The following KHDRBS2 variants were observed in gnomAD, a reference collection of about 807,000 sequenced individuals.
KHDRBS2 encodes KH RNA binding domain containing, signal transduction associated 2.
KHDRBS2 carries 26 observed loss-of-function variants against 44.3 expected under a neutral mutation model. The ratio of observed to expected loss-of-function variants is 0.59; its 90% confidence interval spans 0.43 to 0.81. The LOEUF (loss-of-function observed/expected upper bound fraction) is 0.81. KHDRBS2 is among the 40% of genes least tolerant of loss of function. The pLI, the probability that KHDRBS2 is intolerant of heterozygous loss-of-function variation, is 0.00. For missense variants in KHDRBS2, 476 were observed against 433.1 expected, an observed-to-expected ratio of 1.10 and a Z score of -0.88; for synonymous variants, 194 against 151.1, an observed-to-expected ratio of 1.28 and a Z score of -2.08.
rs772156700 is a variant in KHDRBS2 at position 61,901,254 on chromosome 6, C to A, written c.601G>T (p.Ala201Ser). ...TAAGAATGAATGTACCTTGAAGGAG[C>A]TGTGGGAGCTATTCTGATCCCTCTG... is the stretch of plus-strand genomic sequence containing the variant. The part of the protein sequence containing the change: ...RGRGIRIAPT[A>S]PSRGRGGAIP... The change falls in exon 5 of 9, where the codon GCT becomes TCT. Residue 201 changes from alanine to serine, a missense_variant. Physicochemically the swap from Ala to Ser is moderately conservative, Grantham distance 99. Transcript: ENST00000281156. 2 of 1,612,558 alleles carry A rather than the reference C, an allele frequency of 1.2e-6. No homozygotes were observed. Among genetic ancestry groups the A allele is most frequent in the South Asian group, 2.2e-5 (2 of 90,768 alleles).
chr6:61,953,460 T>C (rs1274553756), intron 4 of KHDRBS2, among the ~76,000 whole-genome samples: 1 of 151,974 alleles, frequency 6.6e-6, no homozygotes, highest in Non-Finnish European at 1.5e-5. Flanking sequence ...CAGAACCATC[T>C]AAACTGAAAA....
intron 3 of KHDRBS2, among the ~76,000 whole-genome samples, chr6:62,025,309 T>C: frequency 6.6e-6 from 1 of 151,782 alleles, no homozygotes; most frequent in East Asian, 1.9e-4. Flanking sequence ...CACTATTTTT[T>C]CAAAATTTAT....
the KHDRBS2 span, among the ~76,000 whole-genome samples, chr6:61,598,166 C>A: frequency 6.6e-6 from 1 of 150,872 alleles, no homozygotes; most frequent in Non-Finnish European, 1.5e-5. Flanking sequence ...TTCCCAGTGG[C>A]AGTGGTAGCC....
chr6:61,626,878 T>G, the KHDRBS2 span, among the ~76,000 whole-genome samples: 1 of 152,288 alleles, frequency 6.6e-6, no homozygotes, highest in South Asian at 2.1e-4. Context: ...TTCAGTTTTT[T>G]TTTTGGAGTT....
chr6:62,009,263 C>T (rs1393954104), intron 3 of KHDRBS2, among the ~76,000 whole-genome samples: 2 of 152,080 alleles, frequency 1.3e-5, no homozygotes, highest in Non-Finnish European at 2.9e-5. Context: ...TTTGCCCCTG[C>T]CCTAGAGATT....
chr6:62,260,391 C>G (rs1341974478), intron 1 of KHDRBS2, among the ~76,000 whole-genome samples: 1 of 151,722 alleles, frequency 6.6e-6, no homozygotes, highest in East Asian at 2.0e-4. Context: ...GTTCTATTAC[C>G]AAAATCTGAT....
intron 5 of KHDRBS2, among the ~76,000 whole-genome samples, chr6:61,899,181 A>G (rs1205857082): frequency 6.6e-6 from 1 of 151,914 alleles, no homozygotes; most frequent in East Asian, 1.9e-4. Flanking sequence ...TCTAGTAATA[A>G]GAGTATTTCT....
At chr6:62,085,789 A>G (rs1369853685) in intron 2 of KHDRBS2, among the ~76,000 whole-genome samples, 1 of 152,172 alleles carries the variant, frequency 6.6e-6, no homozygotes. Context: ...GCAGAATCAT[A>G]GAATGTTGTT....
chr6:61,954,997 GACATACATATGTATGTATACAC>G (rs1766206251), intron 4 of KHDRBS2, among the ~76,000 whole-genome samples: 1 of 79,762 alleles, frequency 1.3e-5, no homozygotes, highest in Non-Finnish European at 2.4e-5. Context: ...TACATATATA[GACATACATATGTATGTATACAC>G]ACATACATAT....
chr6:61,577,712 G>T, the KHDRBS2 span, among the ~76,000 whole-genome samples: 1 of 151,984 alleles, frequency 6.6e-6, no homozygotes, highest in Non-Finnish European at 1.5e-5. Context: ...GTTTTTCATA[G>T]AATTAGGAAC....
At chr6:61,609,303 A>G in the KHDRBS2 span, among the ~76,000 whole-genome samples, 5 of 152,230 alleles carry the variant, frequency 3.3e-5, no homozygotes, top group African/African-American at 1.2e-4. Flanking sequence ...TGTTGCAGTG[A>G]GCCGAGATTG....
At chr6:61,563,067 T>G in the KHDRBS2 span, among the ~76,000 whole-genome samples, 49 of 152,230 alleles carry the variant, frequency 3.2e-4, no homozygotes, top group Non-Finnish European at 5.0e-4. Context: ...GATTTCCAAG[T>G]TAGGAGAAGA....
intron 6 of KHDRBS2, among the ~76,000 whole-genome samples, chr6:61,884,981 T>C (rs1256288412): frequency 6.6e-6 from 1 of 152,108 alleles, no homozygotes; most frequent in Non-Finnish European, 1.5e-5. Flanking sequence ...TAAAAAATTA[T>C]GTATCCATAG....
the KHDRBS2 span, among the ~76,000 whole-genome samples, chr6:61,658,025 C>T: frequency 0.025 from 3,725 of 151,998 alleles, 69 homozygotes; most frequent in Middle Eastern, 0.082. Context: ...ATCCAAATGT[C>T]TAATTCATTC....
intron 6 of KHDRBS2, among the ~76,000 whole-genome samples, chr6:61,773,838 A>G (rs1781447374): frequency 6.7e-6 from 1 of 149,904 alleles, no homozygotes; most frequent in Non-Finnish European, 1.5e-5. Context: ...TAAGGAAGGG[A>G]TCCAGTTTCA....
chr6:61,994,095 A>G (rs114182892), intron 3 of KHDRBS2, among the ~76,000 whole-genome samples: 1 of 152,124 alleles, frequency 6.6e-6, no homozygotes, highest in Non-Finnish European at 1.5e-5. Flanking sequence ...TGCAGCTGTT[A>G]TTGGTACACA....
chr6:61,664,974 C>T, the KHDRBS2 span, among the ~76,000 whole-genome samples: 3 of 151,478 alleles, frequency 2.0e-5, no homozygotes, highest in Non-Finnish European at 3.0e-5. Flanking sequence ...GATATTAACA[C>T]AATTTATTTG....
chr6:61,809,677 G>A (rs1190266743), intron 6 of KHDRBS2, among the ~76,000 whole-genome samples: 2 of 152,038 alleles, frequency 1.3e-5, no homozygotes, highest in African/African-American at 4.8e-5. Context: ...CCAGAAAATG[G>A]CAACCTCAAA....
intron 3 of KHDRBS2, among the ~76,000 whole-genome samples, chr6:62,018,535 A>G (rs1267820219): frequency 6.6e-6 from 1 of 151,856 alleles, no homozygotes; most frequent in Non-Finnish European, 1.5e-5. Flanking sequence ...TTTAGTAGAG[A>G]CGGGGTTTCA....
Sources: allele counts gnomAD v4.1 joint callset (sites outside exome capture counted in the v4.1 genomes callset), GRCh38; gene constraint gnomAD v4.1.1; transcripts MANE v1.5; gene names NCBI Gene and HGNC (gene_info 2026-07-23, HGNC 2026-07-21).